The following SMCHD1 variants were observed in gnomAD, a reference collection of about 807,000 sequenced individuals.
SMCHD1 encodes the protein structural maintenance of chromosomes flexible hinge domain containing 1, also known as structural maintenance of chromosomes flexible hinge domain-containing protein 1.
SMCHD1 carries 78 observed loss-of-function variants against 254.7 expected under a neutral mutation model. That is an observed-to-expected ratio of 0.31 (90% CI 0.26 to 0.37). The LOEUF is 0.37. Among genes scored for constraint, SMCHD1 ranks in the 10% least tolerant of loss-of-function variants. SMCHD1 has a pLI of 1.00. For synonymous variants in SMCHD1, 766 were observed against 794.9 expected (o/e 0.96, Z 0.61); for missense variants, 1,840 against 2,408.1 (o/e 0.76, Z 4.94).
At chr18:2,719,022 GTCC>G in intron 19 of SMCHD1, among the ~76,000 whole-genome samples, 1 of 151,346 alleles carries the variant, frequency 6.6e-6, no homozygotes, top group East Asian at 1.9e-4. Context: ...CTGTTCCCCA[GTCC>G]TCAAGTTTTA....
chr18:2,667,953 C>T (rs2073483689), intron 3 of SMCHD1, among the ~76,000 whole-genome samples: 1 of 152,068 alleles, frequency 6.6e-6, no homozygotes, highest in Non-Finnish European at 1.5e-5. Context: ...GATCTTGGCT[C>T]ACTGCAACCT....
intron 5 of SMCHD1, 63 bp downstream of exon 5, chr18:2,674,208 T>A (rs2073687498): frequency 1.4e-6 from 2 of 1,415,644 alleles, no homozygotes; most frequent in African/African-American, 2.9e-5. Flanking sequence ...GATAAAAAAC[T>A]GGTATGCCTT....
intron 45 of SMCHD1, among the ~76,000 whole-genome samples, chr18:2,785,923 G>A (rs576185887): frequency 6.6e-6 from 1 of 152,290 alleles, no homozygotes; most frequent in African/African-American, 2.4e-5. Flanking sequence ...TGTAATAAGT[G>A]TTAGAATGTC....
intron 12 of SMCHD1, among the ~76,000 whole-genome samples, chr18:2,702,943 C>T (rs139637248): frequency 2.6e-5 from 4 of 152,276 alleles, no homozygotes; most frequent in Non-Finnish European, 5.9e-5. Flanking sequence ...GCCCTAGAGG[C>T]AGGCATCAAA....
intron 30 of SMCHD1, 124 bp downstream of exon 30, chr18:2,747,771 T>C (rs530939368): frequency 1.1e-6 from 1 of 871,926 alleles, no homozygotes; most frequent in African/African-American, 1.7e-5. Flanking sequence ...TATTATTGCT[T>C]AGTGTAAATA....
intron 8 of SMCHD1, among the ~76,000 whole-genome samples, chr18:2,695,615 T>A (rs1424658830): frequency 6.6e-6 from 1 of 150,828 alleles, no homozygotes; most frequent in Admixed American, 6.6e-5. Flanking sequence ...CGGCCTAAAA[T>A]TTTTTTTTTA....
intron 17 of SMCHD1, among the ~76,000 whole-genome samples, chr18:2,714,619 C>G (rs1188409444): frequency 1.3e-5 from 2 of 151,630 alleles, no homozygotes; most frequent in Non-Finnish European, 2.9e-5. Context: ...TCTCTTCCTA[C>G]CTTGTATAAT....
At chr18:2,798,959 A>G (rs773314488) in intron 47 of SMCHD1, among the ~76,000 whole-genome samples, 58 of 152,314 alleles carry the variant, frequency 3.8e-4, no homozygotes, top group Non-Finnish European at 6.5e-4. Flanking sequence ...TACTGTGGAC[A>G]TTGATTTGGA....
chr18:2,787,060 A>C (rs1231087481), intron 45 of SMCHD1, among the ~76,000 whole-genome samples: 2 of 152,204 alleles, frequency 1.3e-5, no homozygotes, highest in African/African-American at 4.8e-5. Context: ...TTAATTTGGC[A>C]TACACTTCTT....
At chr18:2,667,070 C>T (rs946892453) in intron 3 of SMCHD1, 39 bp downstream of exon 3, 1 of 1,431,142 alleles carries the variant, frequency 7.0e-7, no homozygotes, top group Admixed American at 2.1e-5. Flanking sequence ...TAAATTATTA[C>T]CTGCCTTTAT....
chr18:2,686,323 G>T (rs770238584), intron 5 of SMCHD1, among the ~76,000 whole-genome samples: 4 of 152,122 alleles, frequency 2.6e-5, no homozygotes, highest in Non-Finnish European at 5.9e-5. Flanking sequence ...TTTCAGACTT[G>T]GGATGCTCAG....
At chr18:2,791,777 G>C (rs967094916) in intron 45 of SMCHD1, among the ~76,000 whole-genome samples, 3 of 152,164 alleles carry the variant, frequency 2.0e-5, no homozygotes, top group Admixed American at 6.5e-5. Flanking sequence ...AGTCCAGGAA[G>C]GTCAAGACAA....
chr18:2,768,010 A>G (rs2075901186), intron 37 of SMCHD1, among the ~76,000 whole-genome samples: 1 of 152,188 alleles, frequency 6.6e-6, no homozygotes, highest in Non-Finnish European at 1.5e-5. Flanking sequence ...AGTAAAATAC[A>G]GTATTATAAT....
chr18:2,772,890 G>A (rs1019239232), intron 41 of SMCHD1, among the ~76,000 whole-genome samples: 2 of 152,214 alleles, frequency 1.3e-5, no homozygotes, highest in African/African-American at 2.4e-5. Flanking sequence ...GGAGTCTTTG[G>A]TTATTGCCTT....
In SMCHD1 at chr18:2,729,395, A is replaced by G. The variant is rs2075091894; in HGVS notation, c.3034A>G (p.Arg1012Gly). 5 of 1,529,004 alleles carry G rather than the reference A, an allele frequency of 3.3e-6. No individual in the cohort carries two copies. The highest frequency in any genetic ancestry group is 4.4e-6 in the Non-Finnish European group (5 of 1,139,466). The allele number at this position is 1,529,004 out of a possible 1,614,324, so 94.7% of individuals were successfully genotyped here. A position where few individuals can be genotyped will look rare whatever the true frequency, so the allele number is the denominator to read the frequency against. ...NIKKDQTLKARIEIPSCKDVA... is the reference protein window; with the variant it reads ...NIKKDQTLKAGIEIPSCKDVA... ...TAAAAAAGACCAGACGCTTAAAGCA[A>G]GAATTGAAATACCTGTAAGTTATTA... Residue 1012 changes from arginine (R) to glycine (G), a missense_variant, in exon 24 of 48, where the codon AGA becomes GGA. By Grantham distance (125) the Arg-to-Gly change is moderately radical (BLOSUM62 -2). Coordinates refer to ENST00000320876, the MANE Select transcript of SMCHD1 (RefSeq NM_015295.3).
At position 2,707,814 on chromosome 18, in the gene SMCHD1, A is replaced by G. The variant is rs776954514; in HGVS notation, c.2154A>G (p.Leu718=). 3.7e-6 allele frequency: 6 copies of G among 1,602,528 alleles called. No individual in the cohort carries two copies. The South Asian group carries it at 6.7e-5, about 18-fold the overall frequency. Residue 718 remains leucine (L), a synonymous_variant, in exon 17 of 48, where the codon TTA becomes TTG. Coordinates refer to ENST00000320876, the MANE Select transcript of SMCHD1 (RefSeq NM_015295.3). The part of the protein sequence containing the change: ...VRPAGTPIGA[L]RIEILNKKGE... ...TTAATTTTTGACTCATAGGTGCGTTAAGAATTGAAATACTGAATAAAAAAG... is the reference window on the plus strand; with the variant it reads ...TTAATTTTTGACTCATAGGTGCGTTGAGAATTGAAATACTGAATAAAAAAG...
At chr18:2,733,633 A>G (rs1334575188) in intron 25 of SMCHD1, among the ~76,000 whole-genome samples, 1 of 152,194 alleles carries the variant, frequency 6.6e-6, no homozygotes, top group Non-Finnish European at 1.5e-5. Flanking sequence ...TAGTTTTTTC[A>G]TAGATGAAAT....
At chr18:2,800,438 C>T (rs2076339498) in intron 47 of SMCHD1, 1 of 152,130 alleles carries the variant, frequency 6.6e-6, no homozygotes, top group African/African-American at 2.4e-5. Flanking sequence ...CCTCTGGGAA[C>T]TAAAAGGCTG....
At chr18:2,732,172 G>T in intron 24 of SMCHD1, 93 bp from the exon 25 acceptor site, 1 of 888,122 alleles carries the variant, frequency 1.1e-6, no homozygotes, top group Non-Finnish European at 1.8e-6. Context: ...CAATGTATGA[G>T]ATGGTCTTCC....
Sources: allele counts gnomAD v4.1 joint callset (sites outside exome capture counted in the v4.1 genomes callset), GRCh38; gene constraint gnomAD v4.1.1; transcripts MANE v1.5; gene names NCBI Gene and HGNC (gene_info 2026-07-23, HGNC 2026-07-21).